LRRC4C: variants seen among roughly 807,000 people sequenced by gnomAD.
LRRC4C encodes leucine rich repeat containing 4C.
LRRC4C carries 5 observed loss-of-function variants against 33.6 expected under a neutral mutation model. The ratio of observed to expected loss-of-function variants is 0.15; its 90% confidence interval spans 0.08 to 0.31. LRRC4C has a LOEUF of 0.31. LRRC4C is among the 10% of genes least tolerant of loss of function. The pLI is 1.00. For synonymous variants in LRRC4C, 329 were observed against 302.0 expected (o/e 1.09, Z -0.93); for missense variants, 560 against 796.7 (o/e 0.70, Z 3.58).
chr11:41,176,375 C>A (rs190779937), intron 1 of LRRC4C, among the ~76,000 whole-genome samples: 1 of 152,064 alleles, frequency 6.6e-6, no homozygotes, highest in African/African-American at 2.4e-5. Context: ...AGTGATTAAA[C>A]AGATTCCTTT....
At chr11:40,212,646 A>G (rs956609440) in intron 5 of LRRC4C, among the ~76,000 whole-genome samples, 1 of 152,154 alleles carries the variant, frequency 6.6e-6, no homozygotes, top group Non-Finnish European at 1.5e-5. Flanking sequence ...GTGCCATTCT[A>G]ATAAGCTCTT....
intron 2 of LRRC4C, among the ~76,000 whole-genome samples, chr11:40,873,260 G>C (rs77055953): frequency 3.3e-5 from 5 of 152,192 alleles, no homozygotes; most frequent in African/African-American, 1.2e-4. Context: ...CTAATAACAG[G>C]AATTAATGCA....
At chr11:40,579,344 A>G (rs1313323719) in intron 3 of LRRC4C, among the ~76,000 whole-genome samples, 1 of 151,980 alleles carries the variant, frequency 6.6e-6, no homozygotes, top group African/African-American at 2.4e-5. Context: ...AAGGAATAGA[A>G]AAAAAAGTAC....
intron 3 of LRRC4C, among the ~76,000 whole-genome samples, chr11:40,585,229 C>A (rs1283768331): frequency 6.6e-6 from 1 of 152,144 alleles, no homozygotes; most frequent in African/African-American, 2.4e-5. Context: ...ATTTCAGCCT[C>A]TCCCTCTGTA....
At chr11:40,302,514 G>A (rs953604001) in intron 4 of LRRC4C, among the ~76,000 whole-genome samples, 2 of 152,008 alleles carry the variant, frequency 1.3e-5, no homozygotes, top group African/African-American at 4.8e-5. Context: ...TCTTTGAAGA[G>A]GCCCATCCTT....
At chr11:40,122,952 TACACACACAC>T (rs371461809) in intron 6 of LRRC4C, among the ~76,000 whole-genome samples, 2 of 140,340 alleles carry the variant, frequency 1.4e-5, no homozygotes, top group African/African-American at 2.6e-5. Context: ...TATATATTTA[TACACACACAC>T]ACACACACAC....
In LRRC4C at chr11:41,420,956, T is replaced by G. The variant is rs188502676; in HGVS notation, c.-496+38475A>C. Among the ~76,000 whole-genome samples, 4 of 152,126 alleles carry G rather than the reference T, an allele frequency of 2.6e-5. No homozygotes were observed. In the East Asian group the frequency reaches 7.8e-4, roughly 30 times the overall value. ...TCACACTATAAAGTATATGAATGTT[T>G]GGGATATATAAGAAGATAATATAAT... On this transcript the variant is annotated intron_variant, in intron 1 of 6. Transcript: ENST00000528697.
chr11:41,122,682 A>C (rs1942502223), intron 1 of LRRC4C, among the ~76,000 whole-genome samples: 2 of 152,020 alleles, frequency 1.3e-5, no homozygotes, highest in Admixed American at 6.6e-5. Flanking sequence ...TGGGCCAAAC[A>C]TATTTTTCAG....
chr11:40,933,642 C>G lies in LRRC4C; in HGVS notation c.-414G>C, dbSNP rs991707644. 1.3e-5 allele frequency: 2 copies of G among 152,156 alleles called. No individual in the cohort carries two copies. The highest frequency in any genetic ancestry group is 2.9e-5 in the Non-Finnish European group (2 of 68,038). The allele number at this position is 152,156 out of a possible 1,614,324, so 9.4% of individuals were successfully genotyped here. A position where few individuals can be genotyped will look rare whatever the true frequency, so the allele number is the denominator to read the frequency against. ...TATTATTGTTTCACTCACCTACATT[C>G]AGTGTATTAGATGATGTTCCAGCTT... is the stretch of plus-strand genomic sequence containing the variant. On this transcript the variant is annotated 5_prime_UTR_variant, in exon 2 of 7. An upstream open reading frame in the 5' UTR loses its in-frame stop. Coordinates refer to ENST00000528697, the MANE Select transcript of LRRC4C (RefSeq NM_001258419.2).
intron 1 of LRRC4C, among the ~76,000 whole-genome samples, chr11:41,276,036 G>T (rs1254285465): frequency 6.6e-6 from 1 of 152,132 alleles, no homozygotes; most frequent in East Asian, 1.9e-4. Flanking sequence ...AAGTGGGGAG[G>T]TGAAAGAATA....
intron 3 of LRRC4C, among the ~76,000 whole-genome samples, chr11:40,469,101 A>G (rs1463456831): frequency 6.6e-6 from 1 of 152,222 alleles, no homozygotes; most frequent in Admixed American, 6.5e-5. Flanking sequence ...AGATGGCTGA[A>G]TAGGAACAGC....
chr11:40,593,767 T>G (rs1290921430), intron 3 of LRRC4C, among the ~76,000 whole-genome samples: 2 of 152,218 alleles, frequency 1.3e-5, no homozygotes, highest in Non-Finnish European at 2.9e-5. Context: ...TTTCCTCTCC[T>G]GCATAATAAG....
intron 2 of LRRC4C, among the ~76,000 whole-genome samples, chr11:40,701,107 G>A (rs1370365423): frequency 6.6e-6 from 1 of 152,058 alleles, no homozygotes; most frequent in Non-Finnish European, 1.5e-5. Flanking sequence ...GATTAAACTT[G>A]TCCCTGTGGT....
At chr11:41,052,438 C>T (rs1858302059) in intron 1 of LRRC4C, among the ~76,000 whole-genome samples, 1 of 151,678 alleles carries the variant, frequency 6.6e-6, no homozygotes, top group Admixed American at 6.6e-5. Flanking sequence ...AAATCCAGTG[C>T]CCTAGTTTCT....
At chr11:41,212,961 T>C (rs1023767191) in intron 1 of LRRC4C, among the ~76,000 whole-genome samples, 3 of 152,230 alleles carry the variant, frequency 2.0e-5, no homozygotes, top group Non-Finnish European at 2.9e-5. Context: ...ATTCAATCTT[T>C]GTTCTGCTAA....
chr11:40,339,367 A>C (rs1247536811), intron 3 of LRRC4C, among the ~76,000 whole-genome samples: 1 of 152,234 alleles, frequency 6.6e-6, no homozygotes. Context: ...TGTTAGTGAA[A>C]GTGCTTAATG....
chr11:41,359,013 A>G (rs576888987), intron 1 of LRRC4C, among the ~76,000 whole-genome samples: 47 of 152,346 alleles, frequency 3.1e-4, no homozygotes, highest in African/African-American at 1.1e-3. Context: ...AGGTACATTC[A>G]GACAATGGAA....
At chr11:40,738,482 T>C (rs540386334) in intron 2 of LRRC4C, among the ~76,000 whole-genome samples, 3 of 152,254 alleles carry the variant, frequency 2.0e-5, no homozygotes, top group South Asian at 2.1e-4. Context: ...GTATAGATCA[T>C]TCACTTTATA....
Position 40,800,815 on chromosome 11 carries a change from C to T in LRRC4C, c.-407+132820G>A, listed in dbSNP as rs1421745865. Among the ~76,000 whole-genome samples, 6 of 152,100 alleles carry T rather than the reference C, an allele frequency of 3.9e-5. 1 individual carries two copies. The South Asian group carries it at 1.2e-3, about 31-fold the overall frequency. On this transcript the variant is annotated intron_variant, in intron 2 of 6. Transcript: ENST00000528697. ...TTTTTCAGATACTTTCATTGATGTC[C>T]TATTGAATATAATACAAGCTATTCT... is the stretch of plus-strand genomic sequence containing the variant.
Sources: allele counts gnomAD v4.1 joint callset (sites outside exome capture counted in the v4.1 genomes callset), GRCh38; gene constraint gnomAD v4.1.1; transcripts MANE v1.5; gene names NCBI Gene and HGNC (gene_info 2026-07-23, HGNC 2026-07-21).